Variants in GPALPP1 observed in about 807,000 individuals in gnomAD.
GPALPP1 encodes GPALPP motifs-containing protein 1.
GPALPP1 carries 30 observed loss-of-function variants against 38.9 expected under a neutral mutation model. The observed-to-expected ratio is 0.77, with a 90% CI of 0.58 to 1.05. The LOEUF is 1.05. Ranked by LOEUF, GPALPP1 falls within the 50% of genes least tolerant of loss-of-function variation. The pLI is 0.00. For missense variants in GPALPP1, 384 were observed against 408.8 expected, an observed-to-expected ratio of 0.94 and a Z score of 0.52; for synonymous variants, 120 against 139.2, an observed-to-expected ratio of 0.86 and a Z score of 0.97.
intron 1 of GPALPP1, among the ~76,000 whole-genome samples, chr13:45,003,537 G>A (rs1374650934): frequency 1.3e-5 from 2 of 152,080 alleles, no homozygotes; most frequent in Non-Finnish European, 2.9e-5. Flanking sequence ...CCAACCTTGG[G>A]AACTATGATA....
At chr13:45,016,467 A>G (rs1337918403) in intron 6 of GPALPP1, among the ~76,000 whole-genome samples, 2 of 152,138 alleles carry the variant, frequency 1.3e-5, no homozygotes, top group Non-Finnish European at 2.9e-5. Context: ...AAAAAACAAA[A>G]AAACAAAAAT....
At chr13:45,013,391 G>A (rs1484324512) in intron 4 of GPALPP1, among the ~76,000 whole-genome samples, 1 of 152,172 alleles carries the variant, frequency 6.6e-6, no homozygotes, top group Non-Finnish European at 1.5e-5. Context: ...TGCCTCTTTT[G>A]TAGAGAAAGG....
chr13:45,012,454 T>A (rs1021667421), intron 4 of GPALPP1, among the ~76,000 whole-genome samples: 1 of 152,208 alleles, frequency 6.6e-6, no homozygotes, highest in African/African-American at 2.4e-5. Flanking sequence ...TGATGACATA[T>A]TGGTGTTTAT....
chr13:45,018,170 G>A (rs2137997188), intron 6 of GPALPP1, among the ~76,000 whole-genome samples: 3 of 152,252 alleles, frequency 2.0e-5, no homozygotes, highest in Admixed American at 2.0e-4. Flanking sequence ...GGCTGAGGTG[G>A]GCGGATCACA....
chr13:44,989,819 C>T lies in GPALPP1; in HGVS notation c.88+77C>T, dbSNP rs898780129. On this transcript the variant is annotated intron_variant, in intron 1 of 7. Coordinates refer to ENST00000379151, the MANE Select transcript of GPALPP1 (RefSeq NM_018559.5). ...CCGGGCCCTGCTCGCTGAAGAAAGT[C>T]GGAGGCCTAGGAGGGCGGAGGAGTG... 7.6e-6 allele frequency: 9 copies of T among 1,187,186 alleles called. No individual in the cohort carries two copies. In the African/African-American group the frequency reaches 8.9e-5, roughly 12 times the overall value. 73.5% of individuals were successfully genotyped at this position (1,187,186 alleles called of 1,614,324 possible).
At chr13:45,035,820 C>T (rs1876387047) in exon 8 of GPALPP1, 1 of 152,192 alleles carries the variant, frequency 6.6e-6, no homozygotes, top group Non-Finnish European at 1.5e-5. Context: ...AGAGCATCTT[C>T]ACTTTTAACA....
intron 7 of GPALPP1, 24 bp downstream of exon 7, chr13:45,020,452 A>G (rs2138005643): frequency 1.1e-6 from 1 of 947,384 alleles, no homozygotes; most frequent in South Asian, 1.3e-5. Context: ...TAAGATATAT[A>G]GAGCCAGGTG....
intron 1 of GPALPP1, among the ~76,000 whole-genome samples, chr13:45,003,195 C>T (rs974539009): frequency 7.2e-5 from 11 of 152,182 alleles, no homozygotes; most frequent in Admixed American, 2.0e-4. Flanking sequence ...CTTAACAATT[C>T]TTGGCCTCAG....
chr13:45,002,740 C>T (rs1873789184), intron 1 of GPALPP1, among the ~76,000 whole-genome samples: 1 of 152,166 alleles, frequency 6.6e-6, no homozygotes, highest in South Asian at 2.1e-4. Flanking sequence ...AAGAGTCTGG[C>T]CCCTTTATAC....
At chr13:45,015,985 A>G (rs922520472) in intron 6 of GPALPP1, among the ~76,000 whole-genome samples, 1 of 152,080 alleles carries the variant, frequency 6.6e-6, no homozygotes, top group Non-Finnish European at 1.5e-5. Flanking sequence ...TACTATCTTT[A>G]TGAACATATA....
intron 7 of GPALPP1, among the ~76,000 whole-genome samples, chr13:45,024,995 T>C (rs1875736433): frequency 6.6e-6 from 1 of 152,200 alleles, no homozygotes; most frequent in Admixed American, 6.5e-5. Context: ...TTTGGATGAA[T>C]GTTACTTATT....
chr13:45,032,174 A>T (rs1055227669), downstream of GPALPP1: 1 of 152,162 alleles, frequency 6.6e-6, no homozygotes, highest in Non-Finnish European at 1.5e-5. Flanking sequence ...AACACGAGAG[A>T]TGGTGGCTAC....
intron 2 of GPALPP1, 81 bp downstream of exon 2, chr13:45,004,518 G>T (rs1873936115): frequency 2.3e-6 from 2 of 871,374 alleles, no homozygotes; most frequent in Admixed American, 4.1e-5. Flanking sequence ...CTAGTAAGGG[G>T]ATATCATATT....
chr13:45,033,582 TATAA>T (rs1312058536), downstream of GPALPP1: 12 of 152,236 alleles, frequency 7.9e-5, no homozygotes, highest in African/African-American at 2.9e-4. Context: ...ATTTTTTATG[TATAA>T]ATAAAGTTTT....
intron 7 of GPALPP1, among the ~76,000 whole-genome samples, chr13:45,022,075 C>T (rs1875470600): frequency 6.6e-6 from 1 of 151,996 alleles, no homozygotes; most frequent in Non-Finnish European, 1.5e-5. Context: ...TCAGTAAGAG[C>T]AAGAAAACCA....
chr13:45,021,879 C>T (rs1427187306), intron 7 of GPALPP1, among the ~76,000 whole-genome samples: 1 of 152,128 alleles, frequency 6.6e-6, no homozygotes, highest in African/African-American at 2.4e-5. Flanking sequence ...ACTGGCATTT[C>T]TTATCAAACT....
At chr13:45,023,111 T>C (rs1017040763) in intron 7 of GPALPP1, among the ~76,000 whole-genome samples, 1 of 151,426 alleles carries the variant, frequency 6.6e-6, no homozygotes, top group African/African-American at 2.4e-5. Context: ...ATGCAAACAT[T>C]TGTGTTAAAT....
chr13:45,013,482 T>C (rs995074583), intron 4 of GPALPP1, among the ~76,000 whole-genome samples: 1 of 152,248 alleles, frequency 6.6e-6, no homozygotes, highest in African/African-American at 2.4e-5. Context: ...ACCAGTCAGC[T>C]GAGCAAGAAG....
At chr13:45,036,138 A>G (rs762609743) in exon 8 of GPALPP1, 3 of 152,260 alleles carry the variant, frequency 2.0e-5, no homozygotes, top group Non-Finnish European at 4.4e-5. Context: ...AGCAACAAAC[A>G]CCAGCACCAG....
Sources: gnomAD v4.1 joint callset for allele counts (sites outside exome capture counted in the v4.1 genomes callset) on GRCh38, gnomAD v4.1.1 for gene constraint, MANE v1.5 for transcripts, NCBI Gene and HGNC (gene_info 2026-07-23, HGNC 2026-07-21) for gene names.